TRIM24: variants seen among roughly 807,000 people sequenced by gnomAD.
TRIM24 encodes tripartite motif containing 24.
A neutral mutation model predicts 123.9 loss-of-function variants in TRIM24; 29 were observed. The ratio of observed to expected loss-of-function variants is 0.23; its 90% confidence interval spans 0.17 to 0.32. The LOEUF (loss-of-function observed/expected upper bound fraction) is 0.32. Ranked by LOEUF, TRIM24 falls within the 10% of genes least tolerant of loss-of-function variation. TRIM24 has a pLI of 1.00. For missense variants in TRIM24, 932 were observed against 1,295.3 expected (o/e 0.72, Z 4.31); for synonymous variants, 456 against 461.1 (o/e 0.99, Z 0.14).
At chr7:138,522,341 A>G (rs1203290613) in intron 4 of TRIM24, among the ~76,000 whole-genome samples, 1 of 152,130 alleles carries the variant, frequency 6.6e-6, no homozygotes, top group African/African-American at 2.4e-5. Context: ...CATCTCAAAA[A>G]AAAAAAAGAT....
chr7:138,567,498 G>A lies in TRIM24; in HGVS notation c.1548G>A (p.Leu516=). ...TTTTCTAGCAACCGCCTCCACGTTT[G>A]ATAAACTTTCAGAATCACAGCCCCA... ...SISHQQPPPR[L]INFQNHSPKP... is the part of the protein sequence containing the mutation. Residue 516 remains leucine, a synonymous_variant, in exon 10 of 19, where the codon TTG becomes TTA. Coordinates refer to ENST00000343526, the MANE Select transcript of TRIM24 (RefSeq NM_015905.3). The A allele has an allele frequency of 6.2e-7, 1 of 1,606,004 alleles. No homozygotes were observed. Among genetic ancestry groups the A allele is most frequent in the African/African-American group, 1.3e-5 (1 of 74,606 alleles).
At chr7:138,508,692 T>TGTGTGAGCGCGCGC (rs1422176564) in intron 2 of TRIM24, among the ~76,000 whole-genome samples, 1 of 137,214 alleles carries the variant, frequency 7.3e-6, no homozygotes. Flanking sequence ...TGTGTGTGTG[T>TGTGTGAGCGCGCGC]GCGCGCGCGT....
intron 7 of TRIM24, among the ~76,000 whole-genome samples, chr7:138,542,318 G>A (rs562795969): frequency 1.2e-3 from 186 of 152,292 alleles, no homozygotes; most frequent in Non-Finnish European, 1.9e-3. Context: ...TGAACACTTA[G>A]AGACTATTGT....
At chr7:138,493,704 A>G (rs1795844314) in intron 1 of TRIM24, among the ~76,000 whole-genome samples, 1 of 152,178 alleles carries the variant, frequency 6.6e-6, no homozygotes, top group Admixed American at 6.5e-5. Context: ...TTTAGAGCAC[A>G]AAGTCTTTAC....
chr7:138,562,435 G>T (rs1288304581), intron 9 of TRIM24, among the ~76,000 whole-genome samples: 1 of 152,322 alleles, frequency 6.6e-6, no homozygotes, highest in South Asian at 2.1e-4. Context: ...GATGTTTACT[G>T]TAGTGTGGTT....
In TRIM24 at chr7:138,551,073, G is replaced by A. The variant is rs1797201671; in HGVS notation, c.1154G>A (p.Arg385Gln). 1.2e-6 allele frequency: 2 copies of A among 1,613,016 alleles called. No homozygotes were observed. Among genetic ancestry groups the A allele is most frequent in the South Asian group, 1.1e-5 (1 of 91,034 alleles). ...LLYSKRLITY[R>Q]LRHLLRARCD... ...TCCTTTTTCTTCTAGATTACATACC[G>A]GTTACGGCACCTCCTTCGTGCAAGG... Residue 385 changes from arginine to glutamine, a missense_variant, in exon 8 of 19, where the codon CGG (arginine) becomes CAG (glutamine). Physicochemically the swap from Arg to Gln is conservative, Grantham distance 43. This residue lies in a region of TRIM24 where 527 missense variants were observed against 691.3 expected (regional missense o/e 0.76). Coordinates refer to ENST00000343526, the MANE Select transcript of TRIM24 (RefSeq NM_015905.3).
intron 1 of TRIM24, among the ~76,000 whole-genome samples, chr7:138,464,001 T>TTTTTTTTTTTTTTTTTTTTTC (rs1563019179): frequency 9.4e-6 from 1 of 106,088 alleles, no homozygotes; most frequent in African/African-American, 3.8e-5. Context: ...TTTTTTTTTT[T>TTTTTTTTTTTTTTTTTTTTTC]TTTTTTTTTT....
Position 138,460,850 on chromosome 7 carries a change from C to G in TRIM24, c.302C>G (p.Thr101Ser), listed in dbSNP as rs778689080. Residue 101 changes from threonine (T) to serine (S), a missense_variant, in exon 1 of 19, where the codon ACC (threonine) becomes AGC (serine). Physicochemically the swap from Thr to Ser is moderately conservative, Grantham distance 58. Around this residue, in one of 7 missense-constraint regions of TRIM24, gnomAD observed 164 missense variants for 181.9 expected, o/e 0.90. Transcript: ENST00000343526. Reference sequence around the variant, plus strand: ...GCGCCCATGCTGGGCTCGGCCGAGACCCCGCCACCCGTCCCTGCCCCCGGC... The same window carrying G: ...GCGCCCATGCTGGGCTCGGCCGAGAGCCCGCCACCCGTCCCTGCCCCCGGC... ...LPAPMLGSAE[T>S]PPPVPAPGSP... 8 of 1,560,504 alleles carry G rather than the reference C, an allele frequency of 5.1e-6. No individual in the cohort carries two copies. Among genetic ancestry groups the G allele is most frequent in the Non-Finnish European group, 6.9e-6 (8 of 1,161,728 alleles).
At chr7:138,564,552 C>G (rs904469338) in intron 9 of TRIM24, among the ~76,000 whole-genome samples, 1 of 152,212 alleles carries the variant, frequency 6.6e-6, no homozygotes, top group African/African-American at 2.4e-5. Context: ...ACTTTAGGCT[C>G]GGTCTGAGCC....
intron 5 of TRIM24, among the ~76,000 whole-genome samples, chr7:138,525,783 A>G (rs1796596120): frequency 6.6e-6 from 1 of 152,188 alleles, no homozygotes; most frequent in South Asian, 2.1e-4. Context: ...AAACAGGTGG[A>G]AATTTTAAGA....
intron 2 of TRIM24, among the ~76,000 whole-genome samples, chr7:138,511,902 GGACAA>G (rs757496971): frequency 6.6e-6 from 1 of 152,124 alleles, no homozygotes; most frequent in Admixed American, 6.6e-5. Flanking sequence ...GAGATGAGAA[GGACAA>G]GACAAGTCTC....
chr7:138,484,038 A>T (rs569944498), intron 1 of TRIM24, among the ~76,000 whole-genome samples: 1 of 152,074 alleles, frequency 6.6e-6, no homozygotes, highest in Non-Finnish European at 1.5e-5. Context: ...TCTAGGCCAT[A>T]TACCTCCCCA....
At chr7:138,471,830 C>T (rs559441038) in intron 1 of TRIM24, among the ~76,000 whole-genome samples, 5 of 152,214 alleles carry the variant, frequency 3.3e-5, no homozygotes, top group Admixed American at 1.3e-4. Flanking sequence ...CATGAGCCAC[C>T]GCACCCGGCC....
Position 138,460,735 on chromosome 7 carries a change from A to T in TRIM24, c.187A>T (p.Ile63Phe). The T allele has an allele frequency of 1.3e-6, 2 of 1,576,448 alleles. No homozygotes were observed. Among genetic ancestry groups the T allele is most frequent in the African/African-American group, 2.8e-5 (2 of 71,120 alleles). The change falls in exon 1 of 19, where the codon ATC becomes TTC. Residue 63 changes from isoleucine to phenylalanine, a missense_variant. Ile to Phe is a conservative substitution (Grantham distance 21, BLOSUM62 0). This residue lies in a region of TRIM24 where 164 missense variants were observed against 181.9 expected (regional missense o/e 0.90). Transcript: ENST00000343526. ...LDTCAVCHQN[I>F]QSRAPKLLPC... ...CACTTGCGCCGTGTGCCACCAGAAC[A>T]TCCAGAGCCGGGCGCCCAAGCTGCT... is the stretch of plus-strand genomic sequence containing the variant.
chr7:138,495,465 T>C (rs1420323738), intron 1 of TRIM24, among the ~76,000 whole-genome samples: 2 of 152,142 alleles, frequency 1.3e-5, no homozygotes, highest in Non-Finnish European at 2.9e-5. Flanking sequence ...GACAGCCTTC[T>C]ACTGTCTTCT....
chr7:138,475,213 T>A (rs1795370053), intron 1 of TRIM24, among the ~76,000 whole-genome samples: 1 of 152,172 alleles, frequency 6.6e-6, no homozygotes, highest in Non-Finnish European at 1.5e-5. Context: ...CTAATTTCTA[T>A]GTTGCTTATA....
At chr7:138,515,494 A>G in intron 3 of TRIM24, 135 bp downstream of exon 3, 1 of 1,089,996 alleles carries the variant, frequency 9.2e-7, no homozygotes. Context: ...GGTTTATATT[A>G]TCGAAATTTA....
chr7:138,521,494 G>T (rs1563044276), intron 4 of TRIM24, among the ~76,000 whole-genome samples: 2 of 152,032 alleles, frequency 1.3e-5, no homozygotes, highest in East Asian at 1.9e-4. Flanking sequence ...AGAGTTGTGG[G>T]GATGTGGAAT....
chr7:138,486,630 G>A (rs80135763), intron 1 of TRIM24, among the ~76,000 whole-genome samples: 65,737 of 151,648 alleles, frequency 0.43, 14,996 homozygotes, highest in African/African-American at 0.48. Flanking sequence ...CAGGTTTGTC[G>A]AAGATCAGAT....
Sources: gnomAD v4.1 joint callset for allele counts (sites outside exome capture counted in the v4.1 genomes callset) on GRCh38, gnomAD v4.1.1 for gene constraint, gnomAD v4.1.1 regional missense constraint, MANE v1.5 for transcripts, NCBI Gene and HGNC (gene_info 2026-07-23, HGNC 2026-07-21) for gene names.